Variants in ANKRD31 observed in about 807,000 individuals in gnomAD.
ANKRD31 encodes the protein ankyrin repeat domain-containing protein 31.
Under a neutral mutation model 186.0 loss-of-function variants are expected in ANKRD31, and 147 were observed. The ratio of observed to expected loss-of-function variants is 0.79; its 90% confidence interval spans 0.69 to 0.91. The LOEUF (loss-of-function observed/expected upper bound fraction) is 0.91, where lower values mean the gene tolerates loss of function less well. Ranked by LOEUF, ANKRD31 falls within the 40% of genes least tolerant of loss-of-function variation. The pLI is 0.00. For missense variants in ANKRD31, 1,986 were observed against 2,148.8 expected (o/e 0.92, Z 1.50); for synonymous variants, 673 against 736.4 (o/e 0.91, Z 1.39).
rs535833333 is a variant in ANKRD31 at position 75,151,468 on chromosome 5, G to A, written c.1852+2733C>T. Among the ~76,000 whole-genome samples the A allele has an allele frequency of 3.3e-5, 5 of 152,132 alleles. No homozygotes were observed. The South Asian group carries it at 1.0e-3, about 32-fold the overall frequency. On this transcript the variant is annotated intron_variant, in intron 12 of 25. Coordinates refer to ENST00000506364, the MANE Select transcript of ANKRD31 (RefSeq NM_001372053.1). ...ATAGTGAATAAGTCTCACAATATCT[G>A]ATGGTTTTATAAAGGGCTGTTCCCC...
intron 17 of ANKRD31, among the ~76,000 whole-genome samples, chr5:75,128,308 G>A (rs929522172): frequency 3.1e-5 from 4 of 129,892 alleles, no homozygotes; most frequent in African/African-American, 1.0e-4. Context: ...ACCTAATGTA[G>A]ATGGTGGGTT....
intron 10 of ANKRD31, among the ~76,000 whole-genome samples, chr5:75,173,035 C>T (rs976746606): frequency 1.3e-5 from 2 of 152,136 alleles, no homozygotes; most frequent in South Asian, 2.1e-4. Flanking sequence ...AAAGCTTATC[C>T]ACCATGATCA....
At chr5:75,140,286 AAAGG>A (rs55831869) in intron 15 of ANKRD31, among the ~76,000 whole-genome samples, 235 of 140,950 alleles carry the variant, frequency 1.7e-3, no homozygotes, top group Middle Eastern at 0.014. Context: ...AGAGAGAAAG[AAAGG>A]AAGGAAGGAA....
At chr5:75,109,878 G>A in intron 20 of ANKRD31, among the ~76,000 whole-genome samples, 1 of 152,134 alleles carries the variant, frequency 6.6e-6, no homozygotes, top group East Asian at 1.9e-4. Context: ...CAGGGAAAGG[G>A]CAATGTGTAT....
chr5:75,207,329 T>G (rs181659474), intron 4 of ANKRD31, among the ~76,000 whole-genome samples: 577 of 152,268 alleles, frequency 3.8e-3, no homozygotes, highest in African/African-American at 0.013. Context: ...GAATGCTGAT[T>G]TTTTTCCTAA....
Position 75,147,276 on chromosome 5 carries a change from C to G in ANKRD31, c.2135G>C (p.Gly712Ala). Residue 712 changes from glycine (G) to alanine (A), a missense_variant, in exon 14 of 26, where the codon GGC becomes GCC. Coordinates refer to ENST00000506364, the MANE Select transcript of ANKRD31 (RefSeq NM_001372053.1). ...GGGATCTTTGACGTTATGGAGATTG[C>G]CCTTTCTGAGTCCTGTAGAGTATAT... ...DQIYSTGLRK[G>A]NLHNVKDPNT... 6.5e-7 allele frequency: 1 copy of G among 1,535,824 alleles called. No homozygotes were observed.
At chr5:75,222,178 G>A in intron 3 of ANKRD31, 71 bp downstream of exon 3, 2 of 1,082,158 alleles carry the variant, frequency 1.8e-6, no homozygotes, top group South Asian at 3.5e-5. Context: ...ATTATCATTA[G>A]TAATTTGCCA....
chr5:75,101,859 C>T (rs528795912), intron 22 of ANKRD31, among the ~76,000 whole-genome samples: 119 of 152,272 alleles, frequency 7.8e-4, no homozygotes, highest in African/African-American at 2.6e-3. Context: ...AGCTTCTTTG[C>T]GATGGGTTCG....
At chr5:75,130,481 A>C (rs1561452856) in intron 17 of ANKRD31, among the ~76,000 whole-genome samples, 1 of 152,076 alleles carries the variant, frequency 6.6e-6, no homozygotes, top group Non-Finnish European at 1.5e-5. Context: ...TTTTACAGAG[A>C]GCTGATTGGT....
chr5:75,170,275 T>C (rs1255051196), intron 10 of ANKRD31, among the ~76,000 whole-genome samples: 4 of 152,122 alleles, frequency 2.6e-5, no homozygotes, highest in Non-Finnish European at 4.4e-5. Flanking sequence ...ACATTAGAGG[T>C]GTACACTTAA....
chr5:75,134,192 C>A (rs13087325), intron 17 of ANKRD31, among the ~76,000 whole-genome samples: 1 of 151,640 alleles, frequency 6.6e-6, no homozygotes, highest in Admixed American at 6.6e-5. Flanking sequence ...GATAGAGACA[C>A]AAAAAACCCT....
chr5:75,107,457 G>A (rs182963851), intron 21 of ANKRD31, 64 bp downstream of exon 21: 321 of 1,103,480 alleles, frequency 2.9e-4, no homozygotes, highest in Non-Finnish European at 3.8e-4. Context: ...GACAACTATT[G>A]CAGCTAAAAA....
At position 75,104,020 on chromosome 5, in the gene ANKRD31, A is replaced by G. The variant is rs550651258; in HGVS notation, c.5331+208T>C. Among the ~76,000 whole-genome samples, 9 of 152,354 alleles carry G rather than the reference A, an allele frequency of 5.9e-5. 1 individual carries two copies. In the South Asian group the frequency reaches 1.7e-3, roughly 28 times the overall value. ...CCTGGAACTTAAAAATTAAAATTAA[A>G]AAAAGGAAAATAAAAATAAATGTAT... On this transcript the variant is annotated intron_variant, in intron 22 of 25. Transcript: ENST00000506364.
rs1580298113 is a variant in ANKRD31 at position 75,087,899 on chromosome 5, G to A, written c.5472+3362C>T. 2.0e-5 allele frequency among the ~76,000 whole-genome samples: 3 copies of A among 152,252 alleles called. No individual in the cohort carries two copies. In the East Asian group the frequency reaches 5.8e-4, roughly 29 times the overall value. ...TCATGGTACCAACCTCCCCATTCCA[G>A]ACTCTTTTTTCATACTCCCAACACT... On this transcript the variant is annotated intron_variant, in intron 23 of 25. Coordinates refer to ENST00000506364, the MANE Select transcript of ANKRD31 (RefSeq NM_001372053.1).
chr5:75,081,089 A>G (rs957918527), intron 24 of ANKRD31, among the ~76,000 whole-genome samples: 3 of 152,186 alleles, frequency 2.0e-5, no homozygotes, highest in African/African-American at 7.2e-5. Context: ...GGTTTCTGTC[A>G]GGTACCACAA....
chr5:75,137,538 G>T (rs1346891966), intron 17 of ANKRD31, among the ~76,000 whole-genome samples: 1 of 151,994 alleles, frequency 6.6e-6, no homozygotes, highest in Non-Finnish European at 1.5e-5. Context: ...ACTATAATTA[G>T]ACTCTTCTGT....
intron 9 of ANKRD31, 128 bp from the exon 10 acceptor site, chr5:75,188,776 G>A (rs1270767705): frequency 2.8e-6 from 2 of 722,538 alleles, no homozygotes; most frequent in East Asian, 2.8e-5. Flanking sequence ...TCAGTCAATA[G>A]TGTAGAAGTG....
intron 17 of ANKRD31, among the ~76,000 whole-genome samples, chr5:75,128,606 C>T (rs1306084946): frequency 1.3e-5 from 2 of 151,588 alleles, no homozygotes; most frequent in South Asian, 2.1e-4. Flanking sequence ...CCAGGTTCAG[C>T]CATTCTCCTG....
chr5:75,165,304 C>T (rs758925843), intron 11 of ANKRD31, among the ~76,000 whole-genome samples: 2 of 152,172 alleles, frequency 1.3e-5, no homozygotes, highest in Admixed American at 6.5e-5. Flanking sequence ...ATAGCATATA[C>T]TTTAAGAAAA....
Sources: allele counts gnomAD v4.1 joint callset (sites outside exome capture counted in the v4.1 genomes callset), GRCh38; gene constraint gnomAD v4.1.1; transcripts MANE v1.5; gene names NCBI Gene and HGNC (gene_info 2026-07-23, HGNC 2026-07-21).